Variants in EVA1C observed in about 807,000 individuals in gnomAD.
EVA1C encodes eva-1 homolog C, also known as protein eva-1 homolog C.
A neutral mutation model predicts 45.4 loss-of-function variants in EVA1C; 25 were observed. The ratio of observed to expected loss-of-function variants is 0.55; its 90% CI spans 0.40 to 0.77. The LOEUF is 0.77. Ranked by LOEUF, EVA1C falls within the 30% of genes least tolerant of loss-of-function variation. EVA1C has a pLI of 0.00. For missense variants in EVA1C, 479 were observed against 554.8 expected (o/e 0.86, Z 1.37); for synonymous variants, 190 against 221.2 (o/e 0.86, Z 1.25).
Position 32,437,973 on chromosome 21 carries a change from G to A in EVA1C, c.161-15339G>A, listed in dbSNP as rs187984061. On this transcript the variant is annotated intron_variant, in intron 1 of 7. Coordinates refer to ENST00000300255, the MANE Select transcript of EVA1C (RefSeq NM_058187.5). ...CCAAGTGCTACAAATAACACCGCACGGCCCCCGGTCTTTCCTGTTTCCGCT... is the reference window on the plus strand; with the variant it reads ...CCAAGTGCTACAAATAACACCGCACAGCCCCCGGTCTTTCCTGTTTCCGCT... Among the ~76,000 whole-genome samples, 310 of 152,194 alleles carry A rather than the reference G, an allele frequency of 2.0e-3. 5 individuals are homozygous for A. Among genetic ancestry groups the A allele is most frequent in the East Asian group, 7.7e-4 (4 of 5,186 alleles).
intron 1 of EVA1C, among the ~76,000 whole-genome samples, chr21:32,451,057 T>C (rs2035561066): frequency 6.6e-6 from 1 of 152,190 alleles, no homozygotes; most frequent in African/African-American, 2.4e-5. Flanking sequence ...GAGAGCACTC[T>C]GGGCTGGTGG....
At chr21:32,471,331 CT>C (rs35525993) in intron 4 of EVA1C, among the ~76,000 whole-genome samples, 129 of 57,280 alleles carry the variant, frequency 2.3e-3, no homozygotes, top group South Asian at 2.2e-3. Flanking sequence ...TTTCTTTTTT[CT>C]TTTTTTTTTT....
At chr21:32,432,456 A>T (rs2034744513) in intron 1 of EVA1C, among the ~76,000 whole-genome samples, 1 of 152,138 alleles carries the variant, frequency 6.6e-6, no homozygotes, top group African/African-American at 2.4e-5. Context: ...CAAAGGGGGC[A>T]GGTCCAGGGA....
At chr21:32,456,368 C>G (rs1314040061) in intron 2 of EVA1C, among the ~76,000 whole-genome samples, 1 of 152,200 alleles carries the variant, frequency 6.6e-6, no homozygotes, top group Non-Finnish European at 1.5e-5. Flanking sequence ...GGAAATAGCC[C>G]TGCCCTGGGG....
intron 4 of EVA1C, among the ~76,000 whole-genome samples, chr21:32,484,159 C>T (rs147650435): frequency 2.2e-3 from 341 of 152,224 alleles, no homozygotes; most frequent in African/African-American, 7.6e-3. Flanking sequence ...CTCTACCTGC[C>T]CAGTCCCCAG....
chr21:32,429,141 T>C (rs1242278217), intron 1 of EVA1C, among the ~76,000 whole-genome samples: 1 of 151,412 alleles, frequency 6.6e-6, no homozygotes, highest in Non-Finnish European at 1.5e-5. Flanking sequence ...CTCCTTCACT[T>C]AACCTTCACT....
At chr21:32,478,888 G>A (rs756678019) in intron 4 of EVA1C, among the ~76,000 whole-genome samples, 16 of 152,214 alleles carry the variant, frequency 1.1e-4, no homozygotes, top group Non-Finnish European at 1.9e-4. Context: ...CTGGGCTAAG[G>A]CCACTCCGAG....
chr21:32,441,017 G>A (rs540778786), intron 1 of EVA1C, among the ~76,000 whole-genome samples: 1 of 152,172 alleles, frequency 6.6e-6, no homozygotes, highest in African/African-American at 2.4e-5. Flanking sequence ...CAAGAGAATC[G>A]CTTGAGTCCA....
At chr21:32,445,555 A>G (rs1487521421) in intron 1 of EVA1C, among the ~76,000 whole-genome samples, 2 of 152,074 alleles carry the variant, frequency 1.3e-5, no homozygotes, top group African/African-American at 2.4e-5. Flanking sequence ...GGGCCCCAAG[A>G]TTTATTTTCC....
At chr21:32,480,415 G>A (rs767966686) in intron 4 of EVA1C, among the ~76,000 whole-genome samples, 11 of 151,954 alleles carry the variant, frequency 7.2e-5, no homozygotes, top group Admixed American at 6.6e-4. Flanking sequence ...ATGGGAAAGT[G>A]TAGCATACAA....
In EVA1C at chr21:32,440,191, C is replaced by G. The variant is rs1339557145; in HGVS notation, c.161-13121C>G. Among the ~76,000 whole-genome samples the G allele has an allele frequency of 1.1e-4, 17 of 152,192 alleles. No individual in the cohort carries two copies. The East Asian group carries it at 3.3e-3, about 29-fold the overall frequency. ...CTGGCCAATTCCAAGCAGAAAAGAT[C>G]AAGTATAGATTTCATATCTGAGTTT... On this transcript the variant is annotated intron_variant, in intron 1 of 7. Transcript: ENST00000300255.
chr21:32,507,217 CT>C, intron 7 of EVA1C, among the ~76,000 whole-genome samples: 1 of 152,200 alleles, frequency 6.6e-6, no homozygotes, highest in East Asian at 1.9e-4. Flanking sequence ...ATTGAAAAAG[CT>C]TCTTAGGTAT....
At chr21:32,469,034 C>T (rs956424167) in intron 4 of EVA1C, among the ~76,000 whole-genome samples, 1 of 152,196 alleles carries the variant, frequency 6.6e-6, no homozygotes, top group Non-Finnish European at 1.5e-5. Context: ...GCTCTTTCTC[C>T]TCCACATTCC....
intron 4 of EVA1C, among the ~76,000 whole-genome samples, chr21:32,483,289 C>T (rs997040408): frequency 3.3e-5 from 5 of 152,108 alleles, no homozygotes; most frequent in African/African-American, 7.2e-5. Context: ...GTCTGGCGCC[C>T]GAATGTGCAG....
chr21:32,495,069 G>T lies in EVA1C; in HGVS notation c.677G>T (p.Cys226Phe), dbSNP rs1341754729. The T allele has an allele frequency of 6.2e-7, 1 of 1,614,036 alleles. No individual in the cohort carries two copies. The highest frequency in any genetic ancestry group is 8.5e-7 in the Non-Finnish European group (1 of 1,180,038). Reference sequence around the variant, plus strand: ...GCTTTGCAAGTCCTATCCCGAAGGTGCTATGGGAAGCAGAGATGCAAAATC... The same window carrying T: ...GCTTTGCAAGTCCTATCCCGAAGGTTCTATGGGAAGCAGAGATGCAAAATC... Reference protein sequence around the residue: ...YSALQVLSRRCYGKQRCKIIV... With the variant: ...YSALQVLSRRFYGKQRCKIIV... Residue 226 changes from cysteine (C) to phenylalanine (F), a missense_variant, in exon 5 of 8, where the codon TGC becomes TTC. Around this residue, in one of 3 missense-constraint regions of EVA1C, gnomAD observed 366 missense variants for 426.1 expected, o/e 0.86. Coordinates refer to ENST00000300255, the MANE Select transcript of EVA1C (RefSeq NM_058187.5).
intron 7 of EVA1C, among the ~76,000 whole-genome samples, chr21:32,508,766 G>A (rs965878285): frequency 1.3e-5 from 2 of 152,220 alleles, no homozygotes; most frequent in African/African-American, 2.4e-5. Flanking sequence ...GCCTCTGGGT[G>A]TCTTATCTGG....
intron 2 of EVA1C, among the ~76,000 whole-genome samples, chr21:32,455,784 A>G (rs1312646013): frequency 6.6e-6 from 1 of 152,194 alleles, no homozygotes; most frequent in Non-Finnish European, 1.5e-5. Flanking sequence ...CCGACAGGTT[A>G]GCATTTGTGA....
At chr21:32,511,419 CAAAAAAA>C (rs749141703) in intron 7 of EVA1C, among the ~76,000 whole-genome samples, 12 of 47,608 alleles carry the variant, frequency 2.5e-4, no homozygotes, top group East Asian at 1.9e-3. Flanking sequence ...AACTCCGTCT[CAAAAAAA>C]AAAAAAAAAA....
chr21:32,412,567 C>T (rs540303591), upstream of EVA1C: 208 of 339,402 alleles, frequency 6.1e-4, no homozygotes, highest in Non-Finnish European at 5.6e-4. Flanking sequence ...CCCTACGGCC[C>T]CCCTCGCTTC....
Sources: allele counts gnomAD v4.1 joint callset (sites outside exome capture counted in the v4.1 genomes callset), GRCh38; gene constraint gnomAD v4.1.1; regional missense constraint gnomAD v4.1.1; transcripts MANE v1.5; gene names NCBI Gene and HGNC (gene_info 2026-07-23, HGNC 2026-07-21).